PTH1R: variants seen among roughly 807,000 people sequenced by gnomAD.
The protein encoded by PTH1R is parathyroid hormone 1 receptor, also known as parathyroid hormone/parathyroid hormone-related peptide receptor.
In PTH1R, 32 loss-of-function variants were observed where a neutral mutation model predicts 70.7. The ratio of observed to expected loss-of-function variants is 0.45; its 90% CI spans 0.34 to 0.61. The LOEUF is 0.61. Among genes scored for constraint, PTH1R ranks in the 20% least tolerant of loss-of-function variants. The pLI is 0.01. For missense variants in PTH1R, 626 were observed against 792.5 expected (o/e 0.79, Z 2.52); for synonymous variants, 329 against 324.8 (o/e 1.01, Z -0.14).
In PTH1R at chr3:46,902,947, T is replaced by C; in HGVS notation, c.1395+157T>C. On this transcript the variant is annotated intron_variant, in intron 15 of 15. Coordinates refer to ENST00000449590, the MANE Select transcript of PTH1R (RefSeq NM_000316.3). The surrounding 1 kb of genome is among the most constrained non-coding windows in gnomAD (Gnocchi z 5.4). ...AAAGCAGAGAAGTCTTTCCAGATGA[T>C]GCAGGTTCAGGATGTGCTAGGATGT... 1 of 1,182,322 alleles carries C rather than the reference T, an allele frequency of 8.5e-7. No individual in the cohort carries two copies. Among genetic ancestry groups the C allele is most frequent in the Non-Finnish European group, 1.2e-6 (1 of 810,212 alleles). The allele number at this position is 1,182,322 out of a possible 1,614,324, so 73.2% of individuals were successfully genotyped here. A position where few individuals can be genotyped will look rare whatever the true frequency, so the allele number is the denominator to read the frequency against.
chr3:46,901,190 A>C lies in PTH1R; in HGVS notation c.1049+105A>C. ...CCTGTACCCTGGCCTCAAACGGCCCAGCCTCAGGAGTTCTCAGTCCAGCCT... is the reference window on the plus strand; with the variant it reads ...CCTGTACCCTGGCCTCAAACGGCCCCGCCTCAGGAGTTCTCAGTCCAGCCT... On this transcript the variant is annotated intron_variant, in intron 11 of 15. Coordinates refer to ENST00000449590, the MANE Select transcript of PTH1R (RefSeq NM_000316.3). The surrounding 1 kb of genome is among the most constrained non-coding windows in gnomAD (Gnocchi z 7.3). 7.1e-7 allele frequency: 1 copy of C among 1,404,618 alleles called. No individual in the cohort carries two copies. The highest frequency in any genetic ancestry group is 9.8e-7 in the Non-Finnish European group (1 of 1,016,416). The allele number at this position is 1,404,618 out of a possible 1,614,324, so 87.0% of individuals were successfully genotyped here.
In PTH1R at chr3:46,900,116, C is replaced by T. The variant is rs893829014; in HGVS notation, c.988+660C>T. On this transcript the variant is annotated intron_variant, in intron 10 of 15. Coordinates refer to ENST00000449590, the MANE Select transcript of PTH1R (RefSeq NM_000316.3). ...CTGGCCAGACTGCAGAGGGGTGGGC[C>T]GGGTGGCTGGAGCCCTCTCTGCACT... Among the ~76,000 whole-genome samples, 28 of 152,192 alleles carry T rather than the reference C, an allele frequency of 1.8e-4. 1 individual carries two copies. The highest frequency in any genetic ancestry group is 2.9e-5 in the Non-Finnish European group (2 of 68,024).
rs1231389437 is a variant in PTH1R at position 46,898,742 on chromosome 3, A to G, written c.719A>G (p.Lys240Arg). 3 of 1,609,964 alleles carry G rather than the reference A, an allele frequency of 1.9e-6. No homozygotes were observed. Among genetic ancestry groups the G allele is most frequent in the Non-Finnish European group, 2.5e-6 (3 of 1,179,462 alleles). Residue 240 changes from lysine to arginine, a missense_variant, in exon 9 of 16, where the codon AAG (lysine) becomes AGG (arginine). By Grantham distance (26) the Lys-to-Arg change is conservative. Around this residue, in one of 3 missense-constraint regions of PTH1R, gnomAD observed 495 missense variants for 638.7 expected, o/e 0.77. Transcript: ENST00000449590. The stretch of plus-strand genomic sequence containing the variant: ...CTGCGCGCCGTGAGCATCTTCGTCA[A>G]GGACGCTGTGCTCTACTCTGGCGCC... Reference protein sequence around the residue: ...FMLRAVSIFVKDAVLYSGATL... With the variant: ...FMLRAVSIFVRDAVLYSGATL...
chr3:46,901,326 A>T lies in PTH1R; in HGVS notation c.1050-88A>T. 6.7e-7 allele frequency: 1 copy of T among 1,493,392 alleles called. No homozygotes were observed. The allele number at this position is 1,493,392 out of a possible 1,614,324, so 92.5% of individuals were successfully genotyped here. A position where few individuals can be genotyped will look rare whatever the true frequency, so the allele number is the denominator to read the frequency against. The stretch of plus-strand genomic sequence containing the variant: ...CCCTGCCCTGTGTCCTCAACAGCTA[A>T]TGTCAGACCAGACCAAATCTGGGTC... On this transcript the variant is annotated intron_variant, in intron 11 of 15. Transcript: ENST00000449590. The surrounding 1 kb of genome is among the most constrained non-coding windows in gnomAD (Gnocchi z 7.3).
intron 3 of PTH1R, among the ~76,000 whole-genome samples, chr3:46,887,574 G>A (rs1376825097): frequency 6.6e-6 from 1 of 152,138 alleles, no homozygotes; most frequent in African/African-American, 2.4e-5. Context: ...AGCAGTTTGG[G>A]TAGAGGGGCG....
At position 46,895,803 on chromosome 3, in the gene PTH1R, G is replaced by T. The variant is rs200894103; in HGVS notation, c.247G>T (p.Ala83Ser). 8 of 1,614,032 alleles carry T rather than the reference G, an allele frequency of 5.0e-6. No homozygotes were observed. Among genetic ancestry groups the T allele is most frequent in the South Asian group, 2.2e-5 (2 of 91,086 alleles). The stretch of plus-strand genomic sequence containing the variant: ...ATCAGGGAAGCCCAGGAAAGATAAG[G>T]CATCTGGGAAGCTCTACCCTGAGTC... ...STSGKPRKDK[A>S]SGKLYPESEE... Residue 83 changes from alanine (A) to serine (S), a missense_variant, in exon 5 of 16, where the codon GCA (alanine) becomes TCA (serine). Coordinates refer to ENST00000449590, the MANE Select transcript of PTH1R (RefSeq NM_000316.3).
rs1168496144 is a variant in PTH1R, at chr3:46,903,368, C to A, written c.1494C>A (p.Pro498=). 1 of 1,613,742 alleles carries A rather than the reference C, an allele frequency of 6.2e-7. No individual in the cohort carries two copies. The highest frequency in any genetic ancestry group is 8.5e-7 in the Non-Finnish European group (1 of 1,180,036). Residue 498 remains proline, a synonymous_variant, in exon 16 of 16, where the codon CCC becomes CCA. Coordinates refer to ENST00000449590, the MANE Select transcript of PTH1R (RefSeq NM_000316.3). The surrounding 1 kb of genome is among the most constrained non-coding windows in gnomAD (Gnocchi z 4.4). ...RSGSSSYSYG[P]MVSHTSVTNV... is the part of the protein sequence containing the mutation. ...GGAGCAGCAGCTATAGCTACGGCCC[C>A]ATGGTGTCCCACACAAGTGTGACCA...
Position 46,901,804 on chromosome 3 carries a change from C to T in PTH1R, c.1155C>T (p.Leu385=), listed in dbSNP as rs201360775. 1.2e-4 allele frequency: 200 copies of T among 1,613,954 alleles called. No individual in the cohort carries two copies. Among genetic ancestry groups the T allele is most frequent in the Admixed American group, 8.0e-4 (48 of 60,010 alleles). The change falls in exon 13 of 16, where the codon CTC becomes CTT. Residue 385 remains leucine (L), a synonymous_variant. Transcript: ENST00000449590. This position sits in a 1 kb window ranked among gnomAD's most constrained non-coding sequence, Gnocchi z 7.3. ...FILFINIVRV[L]ATKLRETNAG... Reference sequence around the variant, plus strand: ...TCTTCATCAATATCGTCCGGGTGCTCGCCACCAAGCTGCGGGAGACCAACG... The same window carrying T: ...TCTTCATCAATATCGTCCGGGTGCTTGCCACCAAGCTGCGGGAGACCAACG...
rs1233421689 is a variant in PTH1R at position 46,894,029 on chromosome 3, G to A, written c.178+20G>A. On this transcript the variant is annotated intron_variant, in intron 4 of 15. Transcript: ENST00000449590. ...GGCCAGGTGGGGGTCAAAGGAAGAGGGTCTGGGGATGAGGTCAGGTGAGGG... is the reference window on the plus strand; with the variant it reads ...GGCCAGGTGGGGGTCAAAGGAAGAGAGTCTGGGGATGAGGTCAGGTGAGGG... 2.5e-6 allele frequency: 4 copies of A among 1,612,394 alleles called. No homozygotes were observed. Among genetic ancestry groups the A allele is most frequent in the African/African-American group, 2.7e-5 (2 of 74,864 alleles).
At position 46,896,564 on chromosome 3, in the gene PTH1R, C is replaced by T. The variant is rs1317098958; in HGVS notation, c.313+695C>T. On this transcript the variant is annotated intron_variant, in intron 5 of 15. Transcript: ENST00000449590. The surrounding 1 kb of genome is among the most constrained non-coding windows in gnomAD (Gnocchi z 4.1). ...GAGGCTGTGGTCACCCTGTGGCTCC[C>T]TGGGGACCAGAGGGAATTGTGGGCC... Among the ~76,000 whole-genome samples the T allele has an allele frequency of 6.6e-6, 1 of 152,176 alleles. No individual in the cohort carries two copies. The highest frequency in any genetic ancestry group is 1.5e-5 in the Non-Finnish European group (1 of 68,012).
chr3:46,898,004 T>G, intron 6 of PTH1R, 39 bp downstream of exon 6: 1 of 1,613,072 alleles, frequency 6.2e-7, no homozygotes, highest in East Asian at 2.2e-5. Flanking sequence ...ACAAGGAGGC[T>G]GAGACTTGGA....
In PTH1R at chr3:46,898,120, G is replaced by A. The variant is rs773479351; in HGVS notation, c.471G>A (p.Val157=). 6.2e-7 allele frequency: 1 copy of A among 1,614,248 alleles called. No individual in the cohort carries two copies. The highest frequency in any genetic ancestry group is 8.5e-7 in the Non-Finnish European group (1 of 1,180,040). ...ACCGCAATGGCAGCTGGGAGCTGGT[G>A]CCTGGGCACAACAGGACGTGGGCCA... ...RCDRNGSWEL[V]PGHNRTWANY... Residue 157 remains valine (V), a synonymous_variant, in exon 7 of 16, where the codon GTG becomes GTA. Coordinates refer to ENST00000449590, the MANE Select transcript of PTH1R (RefSeq NM_000316.3).
chr3:46,886,480 C>T (rs889438201), intron 3 of PTH1R, among the ~76,000 whole-genome samples: 1 of 152,174 alleles, frequency 6.6e-6, no homozygotes, highest in Non-Finnish European at 1.5e-5. Flanking sequence ...GCCTCAGCCT[C>T]CTCAGTAGCT....
In PTH1R at chr3:46,899,308, C is replaced by A. The variant is rs754222457; in HGVS notation, c.840C>A (p.Gly280=). The A allele has an allele frequency of 1.5e-5, 24 of 1,613,962 alleles. No individual in the cohort carries two copies. Among genetic ancestry groups the A allele is most frequent in the Non-Finnish European group, 1.8e-5 (21 of 1,180,012 alleles). The part of the protein sequence containing the change: ...PPATAAAGYA[G]CRVAVTFFLY... ...AACACCAGCTGGTCTCTTAGGCGGG[C>A]TGCAGGGTGGCTGTGACCTTCTTCC... is the stretch of plus-strand genomic sequence containing the variant. The change falls in exon 10 of 16, where the codon GGC becomes GGA. Residue 280 remains glycine (G), a synonymous_variant. Transcript: ENST00000449590.
At position 46,883,487 on chromosome 3, in the gene PTH1R, G is replaced by C. The variant is rs1487566643; in HGVS notation, c.-48-25G>C. On this transcript the variant is annotated intron_variant, in intron 2 of 15. Coordinates refer to ENST00000449590, the MANE Select transcript of PTH1R (RefSeq NM_000316.3). The surrounding 1 kb of genome is among the most constrained non-coding windows in gnomAD (Gnocchi z 6.4). Reference sequence around the variant, plus strand: ...TGGGCGGGGCGGCCAGCCTGACGCAGCTCTGCACCCCCTACCACCACCAGG... The same window carrying C: ...TGGGCGGGGCGGCCAGCCTGACGCACCTCTGCACCCCCTACCACCACCAGG... 1 of 1,333,526 alleles carries C rather than the reference G, an allele frequency of 7.5e-7. No homozygotes were observed. Among genetic ancestry groups the C allele is most frequent in the Non-Finnish European group, 9.7e-7 (1 of 1,029,862 alleles). 82.6% of individuals were successfully genotyped at this position (1,333,526 alleles called of 1,614,324 possible).
At chr3:46,895,175 G>A (rs2031679363) in intron 4 of PTH1R, among the ~76,000 whole-genome samples, 2 of 151,880 alleles carry the variant, frequency 1.3e-5, no homozygotes, top group African/African-American at 4.8e-5. Context: ...CGGCCACTGT[G>A]GAAGCTGTGA....
At position 46,903,528 on chromosome 3, in the gene PTH1R, C is replaced by T; in HGVS notation, c.1654C>T (p.Pro552Ser). The T allele has an allele frequency of 6.2e-7, 1 of 1,614,044 alleles. No homozygotes were observed. The highest frequency in any genetic ancestry group is 8.5e-7 in the Non-Finnish European group (1 of 1,180,046). ...TPALETLETT[P>S]PAMAAPKDDG... ...AGCCCTGGAGACCCTCGAGACCACACCACCTGCCATGGCTGCTCCCAAGGA... is the reference window on the plus strand; with the variant it reads ...AGCCCTGGAGACCCTCGAGACCACATCACCTGCCATGGCTGCTCCCAAGGA... The change falls in exon 16 of 16, where the codon CCA becomes TCA. Residue 552 changes from proline to serine, a missense_variant. This residue lies in a region of PTH1R where 495 missense variants were observed against 638.7 expected (regional missense o/e 0.77). Coordinates refer to ENST00000449590, the MANE Select transcript of PTH1R (RefSeq NM_000316.3). This position sits in a 1 kb window ranked among gnomAD's most constrained non-coding sequence, Gnocchi z 4.4.
rs893957593 is a variant in PTH1R, at chr3:46,879,968, G to A, written c.-105-1094G>A. The stretch of plus-strand genomic sequence containing the variant: ...GCCAGAGAATTGCTTGAACCCGGGA[G>A]GTGGAGGTTGCAGTCAGCCGAGATC... On this transcript the variant is annotated intron_variant, in intron 1 of 15. Coordinates refer to ENST00000449590, the MANE Select transcript of PTH1R (RefSeq NM_000316.3). The surrounding 1 kb of genome is among the most constrained non-coding windows in gnomAD (Gnocchi z 4.7). Among the ~76,000 whole-genome samples, 8 of 152,132 alleles carry A rather than the reference G, an allele frequency of 5.3e-5. No individual in the cohort carries two copies. The highest frequency in any genetic ancestry group is 1.7e-4 in the African/African-American group (7 of 41,410).
Position 46,903,010 on chromosome 3 carries a change from C to T in PTH1R, c.1395+220C>T, listed in dbSNP as rs544203152. On this transcript the variant is annotated intron_variant, in intron 15 of 15. Coordinates refer to ENST00000449590, the MANE Select transcript of PTH1R (RefSeq NM_000316.3). The surrounding 1 kb of genome is among the most constrained non-coding windows in gnomAD (Gnocchi z 4.4). ...GTCACTGGCATAGCCAAGTGTCTTC[C>T]CAGCCCCATGGTTCAATTATCTGTG... 1.0e-6 allele frequency: 1 copy of T among 957,512 alleles called. No individual in the cohort carries two copies. Among genetic ancestry groups the T allele is most frequent in the South Asian group, 1.4e-5 (1 of 72,114 alleles). The allele number at this position is 957,512 out of a possible 1,614,324, so 59.3% of individuals were successfully genotyped here. A position where few individuals can be genotyped will look rare whatever the true frequency, so the allele number is the denominator to read the frequency against.
Sources: allele counts gnomAD v4.1 joint callset (sites outside exome capture counted in the v4.1 genomes callset), GRCh38; gene constraint gnomAD v4.1.1; regional missense constraint gnomAD v4.1.1; non-coding constraint Gnocchi (gnomAD v3.1); transcripts MANE v1.5; gene names NCBI Gene and HGNC (gene_info 2026-07-23, HGNC 2026-07-21).